The following DPP4 variants were observed in gnomAD, a reference collection of about 807,000 sequenced individuals.
The protein encoded by DPP4 is ADCP-2.
Under a neutral mutation model 122.4 loss-of-function variants are expected in DPP4, and 93 were observed. That is an observed-to-expected ratio of 0.76 (90% confidence interval 0.64 to 0.90). The LOEUF is 0.90. DPP4 is among the 40% of genes least tolerant of loss of function. The pLI is 0.00. For missense variants in DPP4, 914 were observed against 907.3 expected (o/e 1.01, Z -0.09); for synonymous variants, 321 against 302.9 (o/e 1.06, Z -0.62).
At chr2:161,997,286 G>A (rs1443740224) in intron 23 of DPP4, among the ~76,000 whole-genome samples, 3 of 152,090 alleles carry the variant, frequency 2.0e-5, no homozygotes, top group Non-Finnish European at 4.4e-5. Flanking sequence ...AGATGTCTCA[G>A]ATAAATACAT....
intron 1 of DPP4, 27 bp from the exon 2 acceptor site, chr2:162,073,513 T>G: frequency 1.2e-6 from 2 of 1,609,646 alleles, no homozygotes; most frequent in Non-Finnish European, 1.7e-6. Context: ...TCAAGTCCAA[T>G]TAGAGGGAAG....
chr2:162,009,073 A>G (rs1701353293), intron 21 of DPP4, among the ~76,000 whole-genome samples, 168 bp downstream of exon 21: 1 of 152,024 alleles, frequency 6.6e-6, no homozygotes, highest in African/African-American at 2.4e-5. Flanking sequence ...ATAATAAACA[A>G]AGGTGTAAGC....
At chr2:162,030,330 T>C (rs1352400597) in intron 10 of DPP4, among the ~76,000 whole-genome samples, 5 of 152,226 alleles carry the variant, frequency 3.3e-5, no homozygotes, top group Non-Finnish European at 5.9e-5. Flanking sequence ...CTGGCTGCCC[T>C]TCTCACTTAT....
At chr2:162,021,825 G>A (rs74956912) in intron 12 of DPP4, among the ~76,000 whole-genome samples, 7,358 of 152,190 alleles carry the variant, frequency 0.048, 287 homozygotes, top group Middle Eastern at 0.14. Context: ...GAAGTGTAGC[G>A]TGTCTCTTGC....
At chr2:162,014,353 T>G in intron 19 of DPP4, 43 bp downstream of exon 19, 2 of 1,511,372 alleles carry the variant, frequency 1.3e-6, no homozygotes, top group Non-Finnish European at 1.8e-6. Context: ...AAAATATATA[T>G]GACTCAATAC....
chr2:161,995,033 A>T lies in DPP4; in HGVS notation c.2127T>A (p.Asp709Glu), dbSNP rs370324535. The T allele has an allele frequency of 1.9e-6, 3 of 1,614,020 alleles. No homozygotes were observed. The East Asian group carries it at 6.7e-5, about 36-fold the overall frequency. Reference sequence around the variant, plus strand: ...GAGCTGACTGCTGAAAGTGAACGTTATCTGCAGGGAGAGAAAGGAAACATA... The same window carrying T: ...GAGCTGACTGCTGAAAGTGAACGTTTTCTGCAGGGAGAGAAAGGAAACATA... ...EYLLIHGTAD[D>E]NVHFQQSAQI... The change falls in exon 25 of 26, where the codon GAT becomes GAA. Residue 709 changes from aspartate to glutamate, a missense_variant and splice_region_variant. Transcript: ENST00000360534.
At chr2:162,033,883 TATATATATATAC>T (rs1356290386) in intron 9 of DPP4, among the ~76,000 whole-genome samples, 1 of 140,572 alleles carries the variant, frequency 7.1e-6, no homozygotes, top group Non-Finnish European at 1.5e-5. Context: ...TATATATATA[TATATATATATAC>T]ACACTATATA....
Position 162,033,670 on chromosome 2 carries a change from A to G in DPP4, c.775-17T>C. The G allele has an allele frequency of 6.4e-7, 1 of 1,556,342 alleles. No homozygotes were observed. Among genetic ancestry groups the G allele is most frequent in the South Asian group, 1.2e-5 (1 of 85,872 alleles). ...AGCTCCTGCCTAGGAAAAAATAATC[A>G]CAGAATTGGTATTGACAAAAAAAAA... On this transcript the variant is annotated splice_polypyrimidine_tract_variant and intron_variant, in intron 9 of 25. Transcript: ENST00000360534.
chr2:162,052,649 G>A (rs1576067003), intron 2 of DPP4, among the ~76,000 whole-genome samples: 1 of 152,226 alleles, frequency 6.6e-6, no homozygotes, highest in South Asian at 2.1e-4. Flanking sequence ...GAAGTGGCTT[G>A]GAACTGGGTA....
intron 4 of DPP4, 160 bp downstream of exon 4, chr2:162,046,755 C>T (rs2106134637): frequency 1.5e-6 from 1 of 684,924 alleles, no homozygotes; most frequent in Non-Finnish European, 2.7e-6. Context: ...TAAAAAGTAG[C>T]CAAGGCAGGG....
intron 20 of DPP4, 111 bp downstream of exon 20, chr2:162,011,682 C>T (rs1044939938): frequency 3.3e-5 from 36 of 1,098,092 alleles, no homozygotes; most frequent in South Asian, 2.8e-4. Flanking sequence ...TAAAAGATTA[C>T]AAATTCATCC....
intron 2 of DPP4, among the ~76,000 whole-genome samples, chr2:162,067,929 G>T (rs996298186): frequency 1.2e-4 from 19 of 152,158 alleles, no homozygotes; most frequent in African/African-American, 4.1e-4. Flanking sequence ...GTAGTCAAAA[G>T]ATTTGGATTC....
intron 2 of DPP4, among the ~76,000 whole-genome samples, chr2:162,049,242 T>C (rs1329006334): frequency 6.6e-6 from 1 of 152,190 alleles, no homozygotes; most frequent in African/African-American, 2.4e-5. Context: ...ACAATGTTCT[T>C]AAGATTTTAT....
At chr2:162,004,960 A>C (rs1219996555) in intron 23 of DPP4, among the ~76,000 whole-genome samples, 1 of 152,222 alleles carries the variant, frequency 6.6e-6, no homozygotes, top group Non-Finnish European at 1.5e-5. Context: ...GGTTTTAAAA[A>C]AATTTTTTTC....
chr2:162,015,497 G>C (rs954997264), intron 18 of DPP4, among the ~76,000 whole-genome samples: 3 of 152,134 alleles, frequency 2.0e-5, no homozygotes, highest in East Asian at 1.9e-4. Context: ...CCCATCATTT[G>C]ATCTCTGCTT....
rs549294636 is a variant in DPP4 at position 162,043,128 on chromosome 2, C to T, written c.366+2404G>A. 2.0e-5 allele frequency among the ~76,000 whole-genome samples: 3 copies of T among 152,260 alleles called. No homozygotes were observed. The South Asian group carries it at 6.2e-4, about 32-fold the overall frequency. On this transcript the variant is annotated intron_variant, in intron 5 of 25. Coordinates refer to ENST00000360534, the MANE Select transcript of DPP4 (RefSeq NM_001935.4). The stretch of plus-strand genomic sequence containing the variant: ...AGCATCATGGAATCTCCAGGAGGCC[C>T]ACAGCTATGCTGAGTTAGTTGCTTT...
intron 2 of DPP4, among the ~76,000 whole-genome samples, chr2:162,072,156 A>T (rs74646882): frequency 0.017 from 2,651 of 152,330 alleles, 39 homozygotes; most frequent in South Asian, 0.037. Context: ...TTGTATTTGC[A>T]GCAACTAACG....
chr2:161,999,824 G>A (rs1451887778), intron 23 of DPP4, among the ~76,000 whole-genome samples: 1 of 152,166 alleles, frequency 6.6e-6, no homozygotes, highest in Non-Finnish European at 1.5e-5. Flanking sequence ...AATAATGGTG[G>A]CAGCTGCCAT....
intron 12 of DPP4, among the ~76,000 whole-genome samples, chr2:162,022,259 C>T (rs3788980): frequency 0.039 from 5,972 of 152,188 alleles, 339 homozygotes; most frequent in East Asian, 0.26. Context: ...TGCATCTGGA[C>T]GCCTAATAAA....
Sources: gnomAD v4.1 joint callset for allele counts (sites outside exome capture counted in the v4.1 genomes callset) on GRCh38, gnomAD v4.1.1 for gene constraint, MANE v1.5 for transcripts, NCBI Gene and HGNC (gene_info 2026-07-23, HGNC 2026-07-21) for gene names.